Variants in COBL observed in about 807,000 individuals in gnomAD.
COBL encodes the protein protein cordon-bleu.
A neutral mutation model predicts 98.8 loss-of-function variants in COBL; 51 were observed. That is an observed-to-expected ratio of 0.52 (90% confidence interval 0.41 to 0.65). The LOEUF (loss-of-function observed/expected upper bound fraction) is 0.65. Ranked by LOEUF, COBL falls within the 30% of genes least tolerant of loss-of-function variation. The pLI is 0.00. For synonymous variants in COBL, 634 were observed against 651.7 expected (o/e 0.97, Z 0.41); for missense variants, 1,617 against 1,617.5 (o/e 1.00, Z 0.01).
Position 51,096,839 on chromosome 7 carries a change from C to G in COBL, c.958-11535G>C, listed in dbSNP as rs947191628. On this transcript the variant is annotated intron_variant, in intron 6 of 12. Coordinates refer to ENST00000265136, the MANE Select transcript of COBL (RefSeq NM_015198.5). Reference sequence around the variant, plus strand: ...CATAACCTATAAGCAGTCAGGAAATCGAATCAGTAACCAAAAACCTTCCAA... The same window carrying G: ...CATAACCTATAAGCAGTCAGGAAATGGAATCAGTAACCAAAAACCTTCCAA... Among the ~76,000 whole-genome samples, 8 of 152,086 alleles carry G rather than the reference C, an allele frequency of 5.3e-5. No individual in the cohort carries two copies. In the South Asian group the frequency reaches 1.7e-3, roughly 32 times the overall value.
At chr7:51,230,031 C>T (rs1382839760) in intron 1 of COBL, among the ~76,000 whole-genome samples, 2 of 152,080 alleles carry the variant, frequency 1.3e-5, no homozygotes, top group African/African-American at 4.8e-5. Flanking sequence ...TGAATTTAAC[C>T]GTGTCCCTGA....
chr7:51,205,623 TTTG>T (rs904927931), intron 2 of COBL, among the ~76,000 whole-genome samples: 2 of 146,446 alleles, frequency 1.4e-5, no homozygotes, highest in African/African-American at 5.1e-5. Flanking sequence ...TTTTTGTTTG[TTTG>T]TTTTTGTTTT....
intron 7 of COBL, among the ~76,000 whole-genome samples, chr7:51,044,415 TGTAA>T (rs1789501419): frequency 6.6e-6 from 1 of 152,224 alleles, no homozygotes; most frequent in Non-Finnish European, 1.5e-5. Context: ...ATACATTAAG[TGTAA>T]GTAATGGGAG....
chr7:51,231,392 C>G (rs960108553), intron 1 of COBL, among the ~76,000 whole-genome samples: 2 of 152,214 alleles, frequency 1.3e-5, no homozygotes, highest in Non-Finnish European at 2.9e-5. Context: ...GCCTCCTCCC[C>G]TCACCTGGTG....
chr7:51,080,918 A>AAAAGG (rs71018495), intron 7 of COBL, among the ~76,000 whole-genome samples: 2 of 151,098 alleles, frequency 1.3e-5, no homozygotes, highest in Non-Finnish European at 3.0e-5. Context: ...AAATGAAAAG[A>AAAAGG]TTCATTTTCC....
intron 7 of COBL, among the ~76,000 whole-genome samples, chr7:51,052,379 G>T (rs1333299302): frequency 6.6e-6 from 1 of 152,186 alleles, no homozygotes; most frequent in Non-Finnish European, 1.5e-5. Flanking sequence ...ACTTTTCTAA[G>T]CCAAAAGATT....
At chr7:51,088,347 C>CA (rs1177079653) in intron 6 of COBL, among the ~76,000 whole-genome samples, 7 of 106,268 alleles carry the variant, frequency 6.6e-5, no homozygotes, top group South Asian at 2.9e-4. Flanking sequence ...GATTTCCCCC[C>CA]CTCTTGGAAA....
intron 1 of COBL, among the ~76,000 whole-genome samples, chr7:51,225,955 G>C (rs1794138287): frequency 1.3e-5 from 2 of 152,144 alleles, no homozygotes; most frequent in South Asian, 2.1e-4. Flanking sequence ...AGGTAGACAG[G>C]GACTGCATGC....
intron 1 of COBL, among the ~76,000 whole-genome samples, chr7:51,243,118 C>T (rs993733569): frequency 4.1e-4 from 62 of 152,310 alleles, no homozygotes; most frequent in African/African-American, 1.5e-3. Flanking sequence ...CCACTAAGGA[C>T]GGATGGGCAA....
intron 7 of COBL, chr7:51,083,012 A>G: frequency 1.3e-6 from 2 of 1,520,214 alleles, no homozygotes; most frequent in Non-Finnish European, 1.8e-6. Flanking sequence ...CAGTGCTCAG[A>G]GAGATGAACA....
At chr7:51,110,338 C>T (rs1052925779) in intron 6 of COBL, among the ~76,000 whole-genome samples, 15 of 152,150 alleles carry the variant, frequency 9.9e-5, no homozygotes, top group Admixed American at 2.6e-4. Flanking sequence ...TTAGCTCCCA[C>T]GTAAGAGTGA....
At chr7:51,276,428 G>A (rs1255328510) in intron 1 of COBL, among the ~76,000 whole-genome samples, 2 of 152,206 alleles carry the variant, frequency 1.3e-5, no homozygotes, top group Admixed American at 1.3e-4. Flanking sequence ...GCCGGGGACG[G>A]GCCATACCCA....
chr7:51,277,209 G>C lies in COBL; in HGVS notation c.41+39384C>G, dbSNP rs117811874. 2.6e-5 allele frequency among the ~76,000 whole-genome samples: 4 copies of C among 152,282 alleles called. No individual in the cohort carries two copies. The East Asian group carries it at 7.7e-4, about 29-fold the overall frequency. On this transcript the variant is annotated intron_variant, in intron 1 of 12. Transcript: ENST00000265136. ...TGCGCAGGGACCCAAGCCAATGACCGACTAAGTTAAAATGGGCTAGGTCTG... is the reference window on the plus strand; with the variant it reads ...TGCGCAGGGACCCAAGCCAATGACCCACTAAGTTAAAATGGGCTAGGTCTG...
At chr7:51,227,372 C>T (rs1054375219) in intron 1 of COBL, among the ~76,000 whole-genome samples, 29 of 152,120 alleles carry the variant, frequency 1.9e-4, no homozygotes, top group Non-Finnish European at 2.4e-4. Flanking sequence ...GGACGTGCCC[C>T]GGCATGACAT....
At chr7:51,100,819 C>T (rs1347868153) in intron 6 of COBL, among the ~76,000 whole-genome samples, 1 of 152,102 alleles carries the variant, frequency 6.6e-6, no homozygotes, top group Non-Finnish European at 1.5e-5. Context: ...ACAAGAATCA[C>T]TTGAACCCGG....
At chr7:51,068,209 G>C (rs1194807631) in intron 7 of COBL, among the ~76,000 whole-genome samples, 1 of 152,214 alleles carries the variant, frequency 6.6e-6, no homozygotes, top group Non-Finnish European at 1.5e-5. Context: ...AATTACCTTT[G>C]TTTCCTCTTG....
rs1441901911 is a variant in COBL, at chr7:51,016,243, A to G, written c.*1308T>C. The stretch of plus-strand genomic sequence containing the variant: ...TTGATTTTCTTTTATTTGTGGCACT[A>G]AAAGACAGATAGCTGTGATGAAGAG... On this transcript the variant is annotated 3_prime_UTR_variant, in exon 13 of 13. Transcript: ENST00000265136. The G allele has an allele frequency of 6.6e-6, 1 of 152,200 alleles. No individual in the cohort carries two copies. The highest frequency in any genetic ancestry group is 1.5e-5 in the Non-Finnish European group (1 of 68,040). 9.4% of individuals were successfully genotyped at this position (152,200 alleles called of 1,614,324 possible).
chr7:51,281,115 A>G (rs1799782717), intron 1 of COBL, among the ~76,000 whole-genome samples: 1 of 151,936 alleles, frequency 6.6e-6, no homozygotes, highest in South Asian at 2.1e-4. Flanking sequence ...GCAAAGAAAT[A>G]GAAGATATAA....
chr7:51,116,116 A>G (rs1797250857), intron 6 of COBL, among the ~76,000 whole-genome samples: 1 of 152,074 alleles, frequency 6.6e-6, no homozygotes, highest in South Asian at 2.1e-4. Flanking sequence ...ATAGGTTCTT[A>G]TAGACAACAT....
Sources: gnomAD v4.1 joint callset for allele counts (sites outside exome capture counted in the v4.1 genomes callset) on GRCh38, gnomAD v4.1.1 for gene constraint, MANE v1.5 for transcripts, NCBI Gene and HGNC (gene_info 2026-07-23, HGNC 2026-07-21) for gene names.